Variants in ZFP1 observed in about 807,000 individuals in gnomAD.
The protein encoded by ZFP1 is zinc finger protein 1 homolog.
Under a neutral mutation model 38.5 loss-of-function variants are expected in ZFP1, and 32 were observed. The ratio of observed to expected loss-of-function variants is 0.83; its 90% confidence interval spans 0.63 to 1.12. The LOEUF (loss-of-function observed/expected upper bound fraction) is 1.12, where lower values mean the gene tolerates loss of function less well. Ranked by LOEUF, ZFP1 falls within the 50% of genes most tolerant of loss-of-function variation. The pLI is 0.00. For synonymous variants in ZFP1, 245 were observed against 168.8 expected (o/e 1.45, Z -3.50); for missense variants, 616 against 480.8 (o/e 1.28, Z -2.63).
the ZFP1 span, among the ~76,000 whole-genome samples, chr16:75,123,457 A>ATATC: frequency 3.2e-5 from 1 of 31,664 alleles, no homozygotes. Context: ...GTGTATATGT[A>ATATC]TATATATATA....
At chr16:75,130,741 C>A in the ZFP1 span, among the ~76,000 whole-genome samples, 4 of 152,218 alleles carry the variant, frequency 2.6e-5, no homozygotes, top group East Asian at 7.7e-4. Flanking sequence ...CCTTCTCTTG[C>A]CCTGTTCATG....
intron 2 of ZFP1, among the ~76,000 whole-genome samples, chr16:75,155,284 G>A (rs35425586): frequency 0.51 from 76,770 of 151,954 alleles, 20,262 homozygotes; most frequent in East Asian, 0.71. Context: ...GGCACATGCC[G>A]CCATGCTTAC....
chr16:75,131,514 C>T, the ZFP1 span, among the ~76,000 whole-genome samples: 2 of 152,146 alleles, frequency 1.3e-5, no homozygotes, highest in African/African-American at 4.8e-5. Context: ...TACCTACCCT[C>T]GTTTTTCTTC....
the ZFP1 span, among the ~76,000 whole-genome samples, chr16:75,134,881 A>T: frequency 6.6e-6 from 1 of 151,636 alleles, no homozygotes; most frequent in African/African-American, 2.4e-5. Flanking sequence ...AACATGGAGA[A>T]ACCCCATCTC....
chr16:75,146,554 TGCC>T (rs2036947317), upstream of ZFP1, among the ~76,000 whole-genome samples: 1 of 152,212 alleles, frequency 6.6e-6, no homozygotes, highest in Non-Finnish European at 1.5e-5. Flanking sequence ...TATTCATAGT[TGCC>T]AAAACTTAGA....
the ZFP1 span, among the ~76,000 whole-genome samples, chr16:75,125,957 C>G: frequency 1.3e-5 from 2 of 148,870 alleles, no homozygotes; most frequent in African/African-American, 4.9e-5. Context: ...CAAGGAGAAT[C>G]GCTTGAATCT....
chr16:75,155,807 T>C (rs1567526928), intron 2 of ZFP1, among the ~76,000 whole-genome samples: 1 of 152,234 alleles, frequency 6.6e-6, no homozygotes. Flanking sequence ...TAATGTAATA[T>C]TCAGTTGATA....
chr16:75,130,211 G>A, the ZFP1 span, among the ~76,000 whole-genome samples: 2 of 152,168 alleles, frequency 1.3e-5, no homozygotes, highest in African/African-American at 2.4e-5. Context: ...ATGTTGGCCC[G>A]ACTGGTCTCA....
intron 2 of ZFP1, among the ~76,000 whole-genome samples, chr16:75,156,021 C>T (rs965269498): frequency 6.6e-6 from 1 of 152,088 alleles, no homozygotes; most frequent in Non-Finnish European, 1.5e-5. Context: ...TTTTAAATTA[C>T]ACTAGCTAGT....
At chr16:75,154,610 A>AAAGTTT (rs1170731456) in intron 2 of ZFP1, among the ~76,000 whole-genome samples, 1 of 136,768 alleles carries the variant, frequency 7.3e-6, no homozygotes, top group African/African-American at 2.8e-5. Flanking sequence ...TAAGGAGCGG[A>AAAGTTT]AAGTTTAATA....
At chr16:75,121,579 G>A in the ZFP1 span, among the ~76,000 whole-genome samples, 73 of 152,112 alleles carry the variant, frequency 4.8e-4, no homozygotes, top group Admixed American at 1.0e-3. Flanking sequence ...CTAGTTAGCT[G>A]ACAACTGCCT....
At chr16:75,124,914 GAA>G in the ZFP1 span, among the ~76,000 whole-genome samples, 15 of 143,534 alleles carry the variant, frequency 1.0e-4, no homozygotes, top group African/African-American at 4.0e-4. Flanking sequence ...TTTCATATGA[GAA>G]AGAATTTTGT....
chr16:75,167,616 T>G (rs926268995), intron 3 of ZFP1, among the ~76,000 whole-genome samples: 3 of 152,164 alleles, frequency 2.0e-5, no homozygotes, highest in Non-Finnish European at 2.9e-5. Context: ...GAATCTTTTT[T>G]TGAGACAGGG....
intron 2 of ZFP1, among the ~76,000 whole-genome samples, chr16:75,165,910 TAC>T (rs1428223427): frequency 6.6e-6 from 1 of 152,192 alleles, no homozygotes; most frequent in Non-Finnish European, 1.5e-5. Flanking sequence ...CTCCTTAATG[TAC>T]CTTTTGCATT....
At position 75,169,917 on chromosome 16, in the gene ZFP1, G is replaced by A. The variant is rs141702405; in HGVS notation, c.807G>A (p.Glu269=). The A allele has an allele frequency of 1.9e-6, 3 of 1,614,182 alleles. No individual in the cohort carries two copies. Among genetic ancestry groups the A allele is most frequent in the African/African-American group, 1.3e-5 (1 of 75,052 alleles). The change falls in exon 4 of 4, where the codon GAG becomes GAA. Residue 269 remains glutamate (E), a synonymous_variant. Coordinates refer to ENST00000570010, the MANE Select transcript of ZFP1 (RefSeq NM_153688.4). Reference sequence around the variant, plus strand: ...CACATATGGAGAAGAAGCCCTATGAGTGCAGTGAATGTGGAAAGACATTTG... The same window carrying A: ...CACATATGGAGAAGAAGCCCTATGAATGCAGTGAATGTGGAAAGACATTTG... The part of the protein sequence containing the change: ...QRAHMEKKPY[E]CSECGKTFAQ...
chr16:75,149,070 CTG>C (rs2037044599), intron 1 of ZFP1: 1 of 151,926 alleles, frequency 6.6e-6, no homozygotes, highest in Non-Finnish European at 1.5e-5. Context: ...GGAGGAAGGA[CTG>C]GAGCCTGGTC....
chr16:75,162,037 G>A (rs1427121936), intron 2 of ZFP1, among the ~76,000 whole-genome samples: 1 of 151,124 alleles, frequency 6.6e-6, no homozygotes, highest in African/African-American at 2.4e-5. Flanking sequence ...CGCCTACCTC[G>A]GCCTCCCAAA....
chr16:75,129,486 C>T, the ZFP1 span, among the ~76,000 whole-genome samples: 1 of 152,166 alleles, frequency 6.6e-6, no homozygotes, highest in African/African-American at 2.4e-5. Flanking sequence ...TTCAAAGTCA[C>T]CCCTCTGCTC....
At chr16:75,154,541 C>T (rs2037373231) in intron 2 of ZFP1, among the ~76,000 whole-genome samples, 1 of 148,190 alleles carries the variant, frequency 6.7e-6, no homozygotes, top group Non-Finnish European at 1.5e-5. Context: ...TACCATTTTA[C>T]ATTCCCACAT....
Sources: allele counts gnomAD v4.1 joint callset (sites outside exome capture counted in the v4.1 genomes callset), GRCh38; gene constraint gnomAD v4.1.1; transcripts MANE v1.5; gene names NCBI Gene and HGNC (gene_info 2026-07-23, HGNC 2026-07-21).